Variants in JAKMIP1 observed in about 807,000 individuals in gnomAD.
The protein encoded by JAKMIP1 is janus kinase and microtubule interacting protein 1.
A neutral mutation model predicts 113.0 loss-of-function variants in JAKMIP1; 33 were observed. The observed-to-expected ratio is 0.29, with a 90% CI of 0.22 to 0.39. The LOEUF is 0.39. Among genes scored for constraint, JAKMIP1 ranks in the 10% least tolerant of loss-of-function variants. JAKMIP1 has a pLI of 1.00. For missense variants in JAKMIP1, 813 were observed against 1,080.5 expected (o/e 0.75, Z 3.47); for synonymous variants, 480 against 459.9 (o/e 1.04, Z -0.56).
At chr4:6,037,683 CGGT>C in intron 18 of JAKMIP1, among the ~76,000 whole-genome samples, 1 of 140,126 alleles carries the variant, frequency 7.1e-6, no homozygotes, top group Admixed American at 6.9e-5. Context: ...AGAGGCTAAC[CGGT>C]AGCCCTCCAT....
chr4:6,191,805 C>T (rs1727283847), intron 1 of JAKMIP1, among the ~76,000 whole-genome samples: 1 of 151,998 alleles, frequency 6.6e-6, no homozygotes, highest in African/African-American at 2.4e-5. Context: ...TTTCATTTAG[C>T]CCAATATATA....
intron 8 of JAKMIP1, among the ~76,000 whole-genome samples, chr4:6,077,933 A>C (rs542388521): frequency 6.6e-5 from 10 of 152,286 alleles, no homozygotes; most frequent in African/African-American, 1.9e-4. Flanking sequence ...TTCAGGGCCC[A>C]GTTTGCCACA....
chr4:6,122,027 A>C lies in JAKMIP1; in HGVS notation c.-147-9030T>G, dbSNP rs191233239. Among the ~76,000 whole-genome samples the C allele has an allele frequency of 3.3e-3, 502 of 152,346 alleles. 3 individuals carry two copies. The highest frequency in any genetic ancestry group is 0.012 in the African/African-American group (487 of 41,578). On this transcript the variant is annotated intron_variant, in intron 1 of 20. Coordinates refer to ENST00000409021, the MANE Select transcript of JAKMIP1 (RefSeq NM_001099433.2). Reference sequence around the variant, plus strand: ...TATATGTGCATTTGTAGGCAGGCTTATATTTAAGTGTAGGCATTTAAAATA... The same window carrying C: ...TATATGTGCATTTGTAGGCAGGCTTCTATTTAAGTGTAGGCATTTAAAATA...
At position 6,040,810 on chromosome 4, in the gene JAKMIP1, G is replaced by A. The variant is rs1033685606; in HGVS notation, c.2098-94C>T. 1.8e-5 allele frequency: 16 copies of A among 912,476 alleles called. No homozygotes were observed. Among genetic ancestry groups the A allele is most frequent in the South Asian group, 7.0e-5 (5 of 71,794 alleles). 56.5% of individuals were successfully genotyped at this position (912,476 alleles called of 1,614,324 possible). The stretch of plus-strand genomic sequence containing the variant: ...TTTGCTAGAGAGTGGCAGTCTCACC[G>A]AATTGGGGGCACTCAGATGAGAAGG... On this transcript the variant is annotated intron_variant, in intron 17 of 20. Coordinates refer to ENST00000409021, the MANE Select transcript of JAKMIP1 (RefSeq NM_001099433.2). The surrounding 1 kb of genome is among the most constrained non-coding windows in gnomAD (Gnocchi z 5.8).
rs950231049 is a variant in JAKMIP1, at chr4:6,157,879, T to C, written c.-148+42374A>G. Among the ~76,000 whole-genome samples the C allele has an allele frequency of 6.6e-6, 1 of 152,252 alleles. No individual in the cohort carries two copies. The highest frequency in any genetic ancestry group is 1.5e-5 in the Non-Finnish European group (1 of 68,044). On this transcript the variant is annotated intron_variant, in intron 1 of 20. Transcript: ENST00000409021. This position sits in a 1 kb window ranked among gnomAD's most constrained non-coding sequence, Gnocchi z 4.7. ...ACAGATTGTTGTCTATTTCCTTTCC[T>C]TGGGCTCTGTTAGAACCAAGGGTGT...
chr4:6,082,741 A>G (rs1178875775), intron 5 of JAKMIP1, among the ~76,000 whole-genome samples: 1 of 152,096 alleles, frequency 6.6e-6, no homozygotes, highest in Admixed American at 6.5e-5. Context: ...AGCTCAAGGA[A>G]TCTTCCCACG....
Position 6,137,659 on chromosome 4 carries a change from G to C in JAKMIP1, c.-147-24662C>G, listed in dbSNP as rs927194121. On this transcript the variant is annotated intron_variant, in intron 1 of 20. Coordinates refer to ENST00000409021, the MANE Select transcript of JAKMIP1 (RefSeq NM_001099433.2). This position sits in a 1 kb window ranked among gnomAD's most constrained non-coding sequence, Gnocchi z 4.5. The stretch of plus-strand genomic sequence containing the variant: ...GACCAAATGAGCTATCCTGAAATGC[G>C]GAGGCTAAAGAGCCACAAACCATAT... Among the ~76,000 whole-genome samples the C allele has an allele frequency of 7.2e-5, 11 of 152,206 alleles. No individual in the cohort carries two copies. Among genetic ancestry groups the C allele is most frequent in the African/African-American group, 1.4e-4 (6 of 41,460 alleles).
At position 6,059,034 on chromosome 4, in the gene JAKMIP1, C is replaced by T. The variant is rs1326940089; in HGVS notation, c.1644+1390G>A. Among the ~76,000 whole-genome samples the T allele has an allele frequency of 6.6e-6, 1 of 152,204 alleles. No homozygotes were observed. The highest frequency in any genetic ancestry group is 6.5e-5 in the Admixed American group (1 of 15,276). On this transcript the variant is annotated intron_variant, in intron 11 of 20. Coordinates refer to ENST00000409021, the MANE Select transcript of JAKMIP1 (RefSeq NM_001099433.2). This position sits in a 1 kb window ranked among gnomAD's most constrained non-coding sequence, Gnocchi z 4.8. ...CATTTTAAAGATGAGGAAACGGAGG[C>T]ACAAAGAGATTATGTTACTTGCCCA... is the stretch of plus-strand genomic sequence containing the variant.
chr4:6,159,529 G>T (rs184740822), intron 1 of JAKMIP1, among the ~76,000 whole-genome samples: 2 of 151,884 alleles, frequency 1.3e-5, no homozygotes, highest in Non-Finnish European at 2.9e-5. Context: ...AAAAAAAATA[G>T]TGTAAATAAT....
chr4:6,114,796 G>C (rs368444601), intron 1 of JAKMIP1, among the ~76,000 whole-genome samples: 1 of 152,134 alleles, frequency 6.6e-6, no homozygotes, highest in Non-Finnish European at 1.5e-5. Context: ...CTGACCTGCC[G>C]CTTTTATAAC....
chr4:6,036,279 G>A (rs1713423568), intron 18 of JAKMIP1, among the ~76,000 whole-genome samples, 172 bp from the exon 19 acceptor site: 1 of 152,218 alleles, frequency 6.6e-6, no homozygotes, highest in African/African-American at 2.4e-5. Flanking sequence ...AGGCTGTGAG[G>A]GAGCAACTCG....
intron 1 of JAKMIP1, among the ~76,000 whole-genome samples, chr4:6,113,362 G>T (rs1715258408): frequency 6.6e-6 from 1 of 152,172 alleles, no homozygotes; most frequent in Admixed American, 6.5e-5. Context: ...CTCCCAAGGT[G>T]CTTCTTCCAA....
rs531544656 is a variant in JAKMIP1, at chr4:6,143,512, G to A, written c.-147-30515C>T. Among the ~76,000 whole-genome samples the A allele has an allele frequency of 1.3e-4, 20 of 152,302 alleles. No individual in the cohort carries two copies. Among genetic ancestry groups the A allele is most frequent in the South Asian group, 4.1e-4 (2 of 4,826 alleles). Reference sequence around the variant, plus strand: ...GACAAGAGGCAGGCCTGCTGGATCCGGCCTGGGTCCCACCTGGCCTCTTTC... The same window carrying A: ...GACAAGAGGCAGGCCTGCTGGATCCAGCCTGGGTCCCACCTGGCCTCTTTC... On this transcript the variant is annotated intron_variant, in intron 1 of 20. Transcript: ENST00000409021. This position sits in a 1 kb window ranked among gnomAD's most constrained non-coding sequence, Gnocchi z 4.9.
At chr4:6,048,816 C>G in intron 16 of JAKMIP1, 41 bp downstream of exon 16, 1 of 1,553,980 alleles carries the variant, frequency 6.4e-7, no homozygotes, top group Non-Finnish European at 8.9e-7. Context: ...TGCTGGGAAG[C>G]TGGGACAAGG....
chr4:6,198,576 G>C (rs1385265022), intron 1 of JAKMIP1, among the ~76,000 whole-genome samples: 1 of 152,200 alleles, frequency 6.6e-6, no homozygotes, highest in Non-Finnish European at 1.5e-5. Context: ...AAAGACTACA[G>C]ATAAGAATTA....
chr4:6,170,364 CCTCTA>C (rs1724329043), intron 1 of JAKMIP1, among the ~76,000 whole-genome samples: 3 of 22,348 alleles, frequency 1.3e-4, no homozygotes, highest in African/African-American at 3.2e-4. Flanking sequence ...ACCACCACCA[CCTCTA>C]TCACCACCAT....
Position 6,149,742 on chromosome 4 carries a change from C to T in JAKMIP1, c.-147-36745G>A, listed in dbSNP as rs113131449. Reference sequence around the variant, plus strand: ...CCAGGGCCCTGCACCTCTTGACCCCCCACCAGCACAGAGCAGCCCTCCTTT... The same window carrying T: ...CCAGGGCCCTGCACCTCTTGACCCCTCACCAGCACAGAGCAGCCCTCCTTT... On this transcript the variant is annotated intron_variant, in intron 1 of 20. Coordinates refer to ENST00000409021, the MANE Select transcript of JAKMIP1 (RefSeq NM_001099433.2). 9.0e-3 allele frequency among the ~76,000 whole-genome samples: 1,367 copies of T among 152,222 alleles called. 8 individuals are homozygous for T. The highest frequency in any genetic ancestry group is 0.013 in the Non-Finnish European group (882 of 68,012).
At position 6,156,628 on chromosome 4, in the gene JAKMIP1, A is replaced by G. The variant is rs1488044897; in HGVS notation, c.-148+43625T>C. On this transcript the variant is annotated intron_variant, in intron 1 of 20. Transcript: ENST00000409021. The surrounding 1 kb of genome is among the most constrained non-coding windows in gnomAD (Gnocchi z 5.0). ...AACTCAAAGATCTGATGCATGTGGA[A>G]GGCTTTCATCTGTCTTCACCCAGGA... Among the ~76,000 whole-genome samples the G allele has an allele frequency of 6.6e-6, 1 of 152,226 alleles. No individual in the cohort carries two copies. The highest frequency in any genetic ancestry group is 1.5e-5 in the Non-Finnish European group (1 of 68,030).
intron 3 of JAKMIP1, among the ~76,000 whole-genome samples, chr4:6,098,660 A>AAAG (rs1712357101): frequency 1.6e-5 from 2 of 128,166 alleles, no homozygotes; most frequent in African/African-American, 7.1e-5. Flanking sequence ...AAAGGAAAGG[A>AAAG]AGAAAGAGAG....
Sources: allele counts gnomAD v4.1 joint callset (sites outside exome capture counted in the v4.1 genomes callset), GRCh38; gene constraint gnomAD v4.1.1; non-coding constraint Gnocchi (gnomAD v3.1); transcripts MANE v1.5; gene names NCBI Gene and HGNC (gene_info 2026-07-23, HGNC 2026-07-21).